SH3GL2: variants seen among roughly 807,000 people sequenced by gnomAD.
SH3GL2 encodes the protein SH3 domain containing GRB2 like 2, endophilin A1, also known as endophilin-A1.
A neutral mutation model predicts 46.0 loss-of-function variants in SH3GL2; 24 were observed. The observed-to-expected ratio is 0.52, with a 90% CI of 0.38 to 0.73. The LOEUF (loss-of-function observed/expected upper bound fraction) is 0.73, where lower values mean the gene tolerates loss of function less well. SH3GL2 is among the 30% of genes least tolerant of loss of function. The probability of loss-of-function intolerance (pLI) is 0.00; values close to 1 mark genes in which losing one functional copy is unlikely to be tolerated. For synonymous variants in SH3GL2, 196 were observed against 147.1 expected, an observed-to-expected ratio of 1.33 and a Z score of -2.40; for missense variants, 413 against 424.2, an observed-to-expected ratio of 0.97 and a Z score of 0.23.
chr9:17,625,967 A>T (rs921541387), intron 1 of SH3GL2, among the ~76,000 whole-genome samples: 2 of 152,192 alleles, frequency 1.3e-5, no homozygotes, highest in African/African-American at 4.8e-5. Flanking sequence ...ACTGTGGTTG[A>T]TGAAGCAGAG....
intron 1 of SH3GL2, among the ~76,000 whole-genome samples, chr9:17,697,293 G>A (rs370817978): frequency 6.6e-6 from 1 of 151,126 alleles, no homozygotes. Context: ...ACATGATCTC[G>A]GCTCACTGCA....
At chr9:17,730,134 C>A (rs1321499399) in intron 1 of SH3GL2, among the ~76,000 whole-genome samples, 1 of 152,040 alleles carries the variant, frequency 6.6e-6, no homozygotes, top group Non-Finnish European at 1.5e-5. Context: ...TCTCTTATTT[C>A]CTTGAGCAGT....
chr9:17,620,466 A>G (rs141865899), intron 1 of SH3GL2, among the ~76,000 whole-genome samples: 210 of 152,322 alleles, frequency 1.4e-3, no homozygotes, highest in African/African-American at 4.7e-3. Context: ...TATTGTATCC[A>G]TTTAACTGAT....
chr9:17,786,560 T>A (rs1344057932), intron 4 of SH3GL2, 36 bp downstream of exon 4: 1 of 1,603,338 alleles, frequency 6.2e-7, no homozygotes, highest in Non-Finnish European at 8.5e-7. Context: ...ATTCTTTCAT[T>A]TGTCCATGGG....
Position 17,796,766 on chromosome 9 carries a change from G to A in SH3GL2, c.*1023G>A, listed in dbSNP as rs1032261236. The A allele has an allele frequency of 1.3e-5, 2 of 152,612 alleles. No homozygotes were observed. Among genetic ancestry groups the A allele is most frequent in the Admixed American group, 6.5e-5 (1 of 15,270 alleles). The allele number at this position is 152,612 out of a possible 1,614,324, so 9.5% of individuals were successfully genotyped here. A position where few individuals can be genotyped will look rare whatever the true frequency, so the allele number is the denominator to read the frequency against. On this transcript the variant is annotated 3_prime_UTR_variant, in exon 9 of 9. Transcript: ENST00000380607. ...CTGCCCTCAATGAGGACCAAATAAA[G>A]ATGATTTTTGTGCTTAGCAGTTTAA...
At chr9:17,683,491 C>T (rs573408867) in intron 1 of SH3GL2, among the ~76,000 whole-genome samples, 2 of 152,152 alleles carry the variant, frequency 1.3e-5, no homozygotes, top group East Asian at 1.9e-4. Flanking sequence ...AGGAAAATTG[C>T]TGTACCTTTG....
At chr9:17,626,556 A>G (rs983673715) in intron 1 of SH3GL2, among the ~76,000 whole-genome samples, 1 of 152,244 alleles carries the variant, frequency 6.6e-6, no homozygotes, top group African/African-American at 2.4e-5. Flanking sequence ...GAGTAAAACA[A>G]TGGCAGTCTA....
At position 17,796,018 on chromosome 9, in the gene SH3GL2, G is replaced by T. The variant is rs750701359; in HGVS notation, c.*275G>T. 2 of 401,846 alleles carry T rather than the reference G, an allele frequency of 5.0e-6. No individual in the cohort carries two copies. The highest frequency in any genetic ancestry group is 2.0e-5 in the African/African-American group (1 of 50,762). 24.9% of individuals were successfully genotyped at this position (401,846 alleles called of 1,614,324 possible). On this transcript the variant is annotated 3_prime_UTR_variant, in exon 9 of 9. Coordinates refer to ENST00000380607, the MANE Select transcript of SH3GL2 (RefSeq NM_003026.5). ...CTGCTGTTTACACAGTTCTCAGGAG[G>T]CTGTGGTTTCTTAGAATATGACCAT...
chr9:17,789,324 G>A (rs1824055525), intron 5 of SH3GL2, 68 bp from the exon 6 acceptor site: 1 of 1,271,236 alleles, frequency 7.9e-7, no homozygotes. Flanking sequence ...ACGTGATGGA[G>A]AAGTGAGCTC....
intron 1 of SH3GL2, among the ~76,000 whole-genome samples, chr9:17,673,292 G>A (rs2117977834): frequency 6.6e-6 from 1 of 151,242 alleles, no homozygotes; most frequent in Non-Finnish European, 1.5e-5. Context: ...GGGACTACAG[G>A]CACGCACCAC....
intron 1 of SH3GL2, among the ~76,000 whole-genome samples, chr9:17,727,163 A>G (rs1822043288): frequency 6.6e-6 from 1 of 152,214 alleles, no homozygotes; most frequent in Admixed American, 6.5e-5. Context: ...AGAGAGCAAC[A>G]TATATAAGTT....
At position 17,795,537 on chromosome 9, in the gene SH3GL2, C is replaced by T; in HGVS notation, c.860-7C>T. 2.5e-6 allele frequency: 4 copies of T among 1,611,512 alleles called. No homozygotes were observed. Among genetic ancestry groups the T allele is most frequent in the Non-Finnish European group, 3.4e-6 (4 of 1,177,766 alleles). On this transcript the variant is annotated splice_polypyrimidine_tract_variant and splice_region_variant and intron_variant, in intron 8 of 8. Coordinates refer to ENST00000380607, the MANE Select transcript of SH3GL2 (RefSeq NM_003026.5). ...GTTCTTCTCTTCTCTCCTGCTCTTACTCCCAGGTGTCCAAATGGATCAGCC... is the reference window on the plus strand; with the variant it reads ...GTTCTTCTCTTCTCTCCTGCTCTTATTCCCAGGTGTCCAAATGGATCAGCC...
At chr9:17,715,996 C>T (rs992017983) in intron 1 of SH3GL2, among the ~76,000 whole-genome samples, 2 of 151,996 alleles carry the variant, frequency 1.3e-5, no homozygotes, top group Admixed American at 6.6e-5. Flanking sequence ...ATGTGTATCA[C>T]CTTTGCACTG....
intron 1 of SH3GL2, among the ~76,000 whole-genome samples, chr9:17,713,541 C>A (rs1185818133): frequency 2.6e-5 from 4 of 151,314 alleles, no homozygotes; most frequent in African/African-American, 9.7e-5. Context: ...GTATAAATTT[C>A]TTCTTGAGTA....
intron 1 of SH3GL2, among the ~76,000 whole-genome samples, chr9:17,661,112 A>C (rs1275838874): frequency 6.6e-6 from 1 of 152,194 alleles, no homozygotes; most frequent in Non-Finnish European, 1.5e-5. Flanking sequence ...CAGTGAGCCG[A>C]GATTGTACCA....
intron 3 of SH3GL2, among the ~76,000 whole-genome samples, chr9:17,772,674 G>A (rs557445501): frequency 1.8e-4 from 28 of 152,192 alleles, no homozygotes; most frequent in African/African-American, 6.7e-4. Flanking sequence ...TATAAGAATT[G>A]CCTTCCTTTT....
chr9:17,773,897 T>C (rs952728263), intron 3 of SH3GL2, among the ~76,000 whole-genome samples: 1 of 152,184 alleles, frequency 6.6e-6, no homozygotes, highest in African/African-American at 2.4e-5. Context: ...AATGTTGACA[T>C]CTTAATAATA....
At chr9:17,635,040 A>C (rs1393222763) in intron 1 of SH3GL2, among the ~76,000 whole-genome samples, 2 of 152,096 alleles carry the variant, frequency 1.3e-5, no homozygotes, top group Non-Finnish European at 2.9e-5. Context: ...TATGTAGGTA[A>C]ATGTGTGTCA....
chr9:17,711,664 ATAG>A (rs1821628531), intron 1 of SH3GL2, among the ~76,000 whole-genome samples: 1 of 151,900 alleles, frequency 6.6e-6, no homozygotes, highest in Non-Finnish European at 1.5e-5. Context: ...ATATTGCCAA[ATAG>A]TATTCCATTG....
Sources: gnomAD v4.1 joint callset for allele counts (sites outside exome capture counted in the v4.1 genomes callset) on GRCh38, gnomAD v4.1.1 for gene constraint, MANE v1.5 for transcripts, NCBI Gene and HGNC (gene_info 2026-07-23, HGNC 2026-07-21) for gene names.